The following ELN variants were observed in gnomAD, a reference collection of about 807,000 sequenced individuals.
The protein encoded by ELN is tropoelastin.
In ELN, 65 loss-of-function variants were observed where a neutral mutation model predicts 105.8. That is an observed-to-expected ratio of 0.61 (90% CI 0.50 to 0.75). ELN has a LOEUF of 0.75. ELN is among the 30% of genes least tolerant of loss of function. The pLI is 0.00. For missense variants in ELN, 882 were observed against 969.4 expected, an observed-to-expected ratio of 0.91 and a Z score of 1.20; for synonymous variants, 368 against 389.2, an observed-to-expected ratio of 0.95 and a Z score of 0.64.
At chr7:74,047,857 G>A in intron 13 of ELN, 141 bp downstream of exon 13, 1 of 1,269,156 alleles carries the variant, frequency 7.9e-7, no homozygotes, top group Non-Finnish European at 1.1e-6. Context: ...AATCTCAGAA[G>A]GAAAGGGCAT....
At chr7:74,037,437 G>A (rs557462464) in intron 3 of ELN, among the ~76,000 whole-genome samples, 5 of 151,870 alleles carry the variant, frequency 3.3e-5, no homozygotes, top group Admixed American at 2.0e-4. Context: ...CAGATGATCC[G>A]CCTGCCTCAG....
chr7:74,062,781 C>T (rs529060707), intron 26 of ELN, among the ~76,000 whole-genome samples: 1 of 152,248 alleles, frequency 6.6e-6, no homozygotes, highest in East Asian at 1.9e-4. Flanking sequence ...AAACTCCTGA[C>T]CTCAGGTGAT....
At chr7:74,044,855 G>A (rs1792092189) in intron 9 of ELN, among the ~76,000 whole-genome samples, 1 of 152,224 alleles carries the variant, frequency 6.6e-6, no homozygotes, top group Non-Finnish European at 1.5e-5. Context: ...GAGAGCCCCA[G>A]AGAGCATGGG....
In ELN at chr7:74,028,196, T is replaced by C. The variant is rs782666754; in HGVS notation, c.9T>C (p.Gly3=). 6.2e-7 allele frequency: 1 copy of C among 1,607,716 alleles called. No homozygotes were observed. The highest frequency in any genetic ancestry group is 2.2e-5 in the East Asian group (1 of 44,630). Residue 3 remains glycine, a synonymous_variant, in exon 1 of 33, where the codon GGT becomes GGC. Transcript: ENST00000252034. The stretch of plus-strand genomic sequence containing the variant: ...GGGCATTTCTCCCCGAGATGGCGGG[T>C]CTGACGGCGGCGGCCCCGCGGCCCG... The part of the protein sequence containing the change: MA[G]LTAAAPRPGV...
intron 22 of ELN, among the ~76,000 whole-genome samples, chr7:74,057,983 C>G (rs1795692938): frequency 6.6e-6 from 1 of 152,036 alleles, no homozygotes; most frequent in African/African-American, 2.4e-5. Context: ...AGCTCCAGCT[C>G]CCCTTGAGGG....
intron 19 of ELN, among the ~76,000 whole-genome samples, 171 bp downstream of exon 19, chr7:74,054,940 G>A (rs1794916980): frequency 6.6e-6 from 1 of 152,256 alleles, no homozygotes; most frequent in African/African-American, 2.4e-5. Context: ...CCACCACAGG[G>A]CCATGGGGCT....
chr7:74,045,406 C>T, intron 10 of ELN, 113 bp downstream of exon 10: 5 of 1,240,666 alleles, frequency 4.0e-6, no homozygotes, highest in Non-Finnish European at 4.6e-6. Context: ...CTGGGTGACA[C>T]TTTTTATGTT....
chr7:74,050,450 G>C (rs1793781925), intron 15 of ELN, among the ~76,000 whole-genome samples: 5 of 122,034 alleles, frequency 4.1e-5, no homozygotes, highest in African/African-American at 9.6e-5. Flanking sequence ...TCCCTCCATT[G>C]ATTCTTCCAT....
intron 1 of ELN, among the ~76,000 whole-genome samples, chr7:74,028,988 T>A (rs745887365): frequency 1.3e-5 from 2 of 151,960 alleles, no homozygotes; most frequent in Non-Finnish European, 2.9e-5. Flanking sequence ...GGGAAAGGGA[T>A]TTCTGGAGGG....
intron 31 of ELN, 91 bp downstream of exon 31, chr7:74,066,088 A>C: frequency 2.5e-6 from 4 of 1,575,432 alleles, no homozygotes; most frequent in Non-Finnish European, 3.5e-6. Flanking sequence ...CCCAGAGCCC[A>C]TGTCCACACA....
At chr7:74,032,627 C>T (rs571539901) in intron 1 of ELN, among the ~76,000 whole-genome samples, 1 of 152,222 alleles carries the variant, frequency 6.6e-6, no homozygotes, top group South Asian at 2.1e-4. Flanking sequence ...TGAAGTTTGG[C>T]AAATGCCACC....
chr7:74,065,744 T>C lies in ELN; in HGVS notation c.2032+12T>C, dbSNP rs1429786792. On this transcript the variant is annotated intron_variant, in intron 30 of 32. Coordinates refer to ENST00000252034, the MANE Select transcript of ELN (RefSeq NM_000501.4). ...AGCAGCTAAATACGGTGAGTTCCCC[T>C]CTGATGCCTTCCTGCCAGTGGCCTG... is the stretch of plus-strand genomic sequence containing the variant. The C allele has an allele frequency of 1.2e-6, 2 of 1,613,588 alleles. No individual in the cohort carries two copies. The highest frequency in any genetic ancestry group is 1.1e-5 in the South Asian group (1 of 91,076).
At position 74,046,735 on chromosome 7, in the gene ELN, T is replaced by G; in HGVS notation, c.611T>G (p.Leu204Arg). The G allele has an allele frequency of 6.2e-7, 1 of 1,614,178 alleles. No homozygotes were observed. The change falls in exon 12 of 33, where the codon CTG becomes CGG. Residue 204 changes from leucine (L) to arginine (R), a missense_variant. By Grantham distance (102) the Leu-to-Arg change is moderately radical (BLOSUM62 -2). Coordinates refer to ENST00000252034, the MANE Select transcript of ELN (RefSeq NM_000501.4). ...PFGGPQPGVP[L>R]GYPIKAPKLP... is the part of the protein sequence containing the mutation. ...GGGGGACCGCAACCTGGAGTCCCAC[T>G]GGGGTATCCCATCAAGGCCCCCAAG...
intron 1 of ELN, among the ~76,000 whole-genome samples, chr7:74,033,452 T>C (rs1414946451): frequency 2.0e-5 from 3 of 152,210 alleles, no homozygotes; most frequent in Non-Finnish European, 2.9e-5. Flanking sequence ...GGGCCATGTG[T>C]GTGCTTGGCA....
chr7:74,048,172 C>T lies in ELN; in HGVS notation c.716C>T (p.Ala239Val), dbSNP rs782586455. The T allele has an allele frequency of 1.2e-6, 2 of 1,613,916 alleles. No homozygotes were observed. Among genetic ancestry groups the T allele is most frequent in the East Asian group, 4.5e-5 (2 of 44,880 alleles). ...GGGCCCGGAGGAGTGGCTGGTGCAG[C>T]GGGCAAGGCTGGTTACCCAACAGGG... The part of the protein sequence containing the change: ...GYGPGGVAGA[A>V]GKAGYPTGTG... The change falls in exon 14 of 33, where the codon GCG becomes GTG. Residue 239 changes from alanine to valine, a missense_variant. Ala to Val is a moderately conservative substitution (Grantham distance 64, BLOSUM62 0). Transcript: ENST00000252034.
chr7:74,052,615 C>CAGGAAGGAAGGA (rs532589953), intron 17 of ELN: 3 of 141,236 alleles, frequency 2.1e-5, no homozygotes, highest in African/African-American at 6.4e-5. Context: ...AAGAGAGAGA[C>CAGGAAGGAAGGA]AGGAAGGAAG....
intron 1 of ELN, 33 bp downstream of exon 1, chr7:74,028,302 C>T (rs1787892647): frequency 1.3e-6 from 2 of 1,592,852 alleles, no homozygotes; most frequent in South Asian, 1.1e-5. Flanking sequence ...CCCAGCGCTG[C>T]CCACAGCTGC....
chr7:74,054,596 A>C, intron 18 of ELN, 120 bp from the exon 19 acceptor site: 1 of 1,031,390 alleles, frequency 9.7e-7, no homozygotes, highest in Non-Finnish European at 1.5e-6. Flanking sequence ...ATGTGTAGCC[A>C]ACTCTATGTT....
At chr7:74,033,757 C>T (rs538236493) in intron 1 of ELN, among the ~76,000 whole-genome samples, 26 of 152,356 alleles carry the variant, frequency 1.7e-4, no homozygotes, top group Non-Finnish European at 2.8e-4. Flanking sequence ...GCCGCGAGGC[C>T]TCCCTGGACA....
Sources: gnomAD v4.1 joint callset for allele counts (sites outside exome capture counted in the v4.1 genomes callset) on GRCh38, gnomAD v4.1.1 for gene constraint, MANE v1.5 for transcripts, NCBI Gene and HGNC (gene_info 2026-07-23, HGNC 2026-07-21) for gene names.